The following KSR1 variants were observed in gnomAD, a reference collection of about 807,000 sequenced individuals.
KSR1 encodes kinase suppressor of ras 1, also known as kinase suppressor of ras.
In KSR1, 35 loss-of-function variants were observed where a neutral mutation model predicts 92.9. The ratio of observed to expected loss-of-function variants is 0.38; its 90% CI spans 0.29 to 0.50. The LOEUF (loss-of-function observed/expected upper bound fraction) is 0.50. Among genes scored for constraint, KSR1 ranks in the 20% least tolerant of loss-of-function variants. The probability of loss-of-function intolerance (pLI) is 0.94; values close to 1 mark genes in which losing one functional copy is unlikely to be tolerated. For missense variants in KSR1, 972 were observed against 1,158.5 expected (o/e 0.84, Z 2.34); for synonymous variants, 467 against 472.6 (o/e 0.99, Z 0.15).
At chr17:27,561,477 TA>T (rs1185053531) in intron 2 of KSR1, among the ~76,000 whole-genome samples, 1 of 152,318 alleles carries the variant, frequency 6.6e-6, no homozygotes, top group East Asian at 1.9e-4. Context: ...TGCTTACAGC[TA>T]GTGTGATGCA....
intron 2 of KSR1, among the ~76,000 whole-genome samples, chr17:27,569,523 T>C (rs1420871099): frequency 6.6e-6 from 1 of 152,272 alleles, no homozygotes; most frequent in Non-Finnish European, 1.5e-5. Context: ...TGCCAAACTC[T>C]GGCCCTTGGG....
chr17:27,498,082 C>T (rs2069050949), intron 1 of KSR1, among the ~76,000 whole-genome samples: 1 of 152,158 alleles, frequency 6.6e-6, no homozygotes, highest in African/African-American at 2.4e-5. Flanking sequence ...GTAATTCCAG[C>T]ACTTTGGGAG....
At chr17:27,568,497 G>A (rs2072173575) in intron 2 of KSR1, among the ~76,000 whole-genome samples, 1 of 152,250 alleles carries the variant, frequency 6.6e-6, no homozygotes, top group African/African-American at 2.4e-5. Context: ...CTTGCCCTGT[G>A]CATGTGGAGG....
intron 2 of KSR1, chr17:27,560,389 A>C (rs1418292310): frequency 3.9e-6 from 2 of 518,738 alleles, no homozygotes; most frequent in Non-Finnish European, 7.7e-6. Flanking sequence ...CCAGGGTGAA[A>C]GCCACAGGTT....
At chr17:27,622,116 C>A in intron 20 of KSR1, 2 of 637,298 alleles carry the variant, frequency 3.1e-6, no homozygotes, top group Non-Finnish European at 2.8e-6. Flanking sequence ...GGCCCTCTGC[C>A]CTCTCCACGT....
At chr17:27,568,115 C>T (rs1225082877) in intron 2 of KSR1, among the ~76,000 whole-genome samples, 2 of 152,236 alleles carry the variant, frequency 1.3e-5, no homozygotes, top group African/African-American at 2.4e-5. Context: ...TTCAAGGTTT[C>T]TGGAAAACCA....
rs746718648 is a variant in KSR1, at chr17:27,588,546, C to A, written c.1046+11C>A. 6.3e-7 allele frequency: 1 copy of A among 1,584,884 alleles called. No homozygotes were observed. The highest frequency in any genetic ancestry group is 1.8e-5 in the Admixed American group (1 of 56,478). On this transcript the variant is annotated intron_variant, in intron 6 of 20. Transcript: ENST00000644974. ...GTCGGTGACGCACAGGTAGGCACAG[C>A]GGGCCTGGAGGGGGAGCAGGGCACA...
chr17:27,582,931 T>C lies in KSR1; in HGVS notation c.806T>C (p.Ile269Thr). 6.2e-7 allele frequency: 1 copy of C among 1,611,474 alleles called. No homozygotes were observed. Among genetic ancestry groups the C allele is most frequent in the East Asian group, 2.2e-5 (1 of 44,798 alleles). Residue 269 changes from isoleucine to threonine, a missense_variant, in exon 4 of 21, where the codon ATC (isoleucine) becomes ACC (threonine). By Grantham distance (89) the Ile-to-Thr change is moderately conservative. This residue lies in a region of KSR1 where 611 missense variants were observed against 668.0 expected (regional missense o/e 0.91). Coordinates refer to ENST00000644974, the MANE Select transcript of KSR1 (RefSeq NM_001394583.1). Reference sequence around the variant, plus strand: ...ACCCCCCGTGCCCTGCACAGCTTCATCACCCCGCCCACCACACCCCAGCTG... The same window carrying C: ...ACCCCCCGTGCCCTGCACAGCTTCACCACCCCGCCCACCACACCCCAGCTG... Reference protein sequence around the residue: ...RLTPRALHSFITPPTTPQLRR... With the variant: ...RLTPRALHSFTTPPTTPQLRR...
At chr17:27,488,687 C>G (rs1315092414) in intron 1 of KSR1, among the ~76,000 whole-genome samples, 1 of 152,136 alleles carries the variant, frequency 6.6e-6, no homozygotes, top group East Asian at 1.9e-4. Flanking sequence ...AATATTAGGC[C>G]AGGCGCAGTG....
At chr17:27,464,748 C>G (rs546151361) in intron 1 of KSR1, among the ~76,000 whole-genome samples, 1 of 150,578 alleles carries the variant, frequency 6.6e-6, no homozygotes, top group African/African-American at 2.4e-5. Context: ...GCAGATTTTG[C>G]ATTCTGTGCC....
chr17:27,623,511 C>T lies in KSR1; in HGVS notation c.*119C>T, dbSNP rs761257179. The T allele has an allele frequency of 1.0e-5, 7 of 691,024 alleles. No individual in the cohort carries two copies. The highest frequency in any genetic ancestry group is 8.1e-5 in the East Asian group (3 of 37,256). The allele number at this position is 691,024 out of a possible 1,614,324, so 42.8% of individuals were successfully genotyped here. A position where few individuals can be genotyped will look rare whatever the true frequency, so the allele number is the denominator to read the frequency against. On this transcript the variant is annotated 3_prime_UTR_variant, in exon 21 of 21. Coordinates refer to ENST00000644974, the MANE Select transcript of KSR1 (RefSeq NM_001394583.1). ...CCCAGCGCTGCAAACCAGGAGCACA[C>T]GTCCTAGATTCAGACTGTTGGCCAT...
chr17:27,517,067 G>A lies in KSR1; in HGVS notation c.232-33501G>A, dbSNP rs943374981. On this transcript the variant is annotated intron_variant, in intron 1 of 20. Transcript: ENST00000644974. ...TATTTTGAAATGGCCCTGCAAAGCT[G>A]TCTCTTGTGGGAGAAATTTACATTC... Among the ~76,000 whole-genome samples, 6 of 152,230 alleles carry A rather than the reference G, an allele frequency of 3.9e-5. 2 individuals carry two copies. The South Asian group carries it at 6.2e-4, about 16-fold the overall frequency.
intron 2 of KSR1, among the ~76,000 whole-genome samples, chr17:27,569,039 T>C (rs9903687): frequency 0.013 from 1,987 of 152,360 alleles, 38 homozygotes; most frequent in African/African-American, 0.044. Context: ...CACTTTTCCT[T>C]TTGAATGTTC....
At chr17:27,540,634 G>C (rs2070928846) in intron 1 of KSR1, among the ~76,000 whole-genome samples, 1 of 152,222 alleles carries the variant, frequency 6.6e-6, no homozygotes, top group Non-Finnish European at 1.5e-5. Context: ...CTCAAGGATT[G>C]AGGTCACTTG....
intron 4 of KSR1, among the ~76,000 whole-genome samples, chr17:27,584,146 C>A (rs1187714304): frequency 2.0e-5 from 3 of 152,136 alleles, no homozygotes; most frequent in African/African-American, 7.2e-5. Context: ...CCTTCTTGTA[C>A]CCCTGAGGAT....
intron 1 of KSR1, among the ~76,000 whole-genome samples, chr17:27,529,978 C>T (rs372473991): frequency 2.0e-5 from 3 of 152,228 alleles, no homozygotes; most frequent in South Asian, 4.1e-4. Flanking sequence ...GGCCTTGGCA[C>T]CATACTGGGT....
intron 1 of KSR1, among the ~76,000 whole-genome samples, chr17:27,481,907 G>A (rs2068523342): frequency 6.6e-6 from 1 of 152,158 alleles, no homozygotes; most frequent in Non-Finnish European, 1.5e-5. Context: ...CTTGGGCTTT[G>A]GAGACGATTT....
intron 2 of KSR1, among the ~76,000 whole-genome samples, chr17:27,570,418 G>A (rs1282463806): frequency 6.6e-6 from 1 of 152,174 alleles, no homozygotes. Context: ...TGCCTGGCAC[G>A]CAGGACATGT....
At position 27,502,680 on chromosome 17, in the gene KSR1, G is replaced by A. The variant is rs147679461; in HGVS notation, c.231+45806G>A. ...TTTCTGTGCTTGCTCACACTTGAGC[G>A]TCAGCACATTCCAGAACCTACCTCA... On this transcript the variant is annotated intron_variant, in intron 1 of 20. Transcript: ENST00000644974. Among the ~76,000 whole-genome samples the A allele has an allele frequency of 1.8e-4, 28 of 152,306 alleles. No individual in the cohort carries two copies. The East Asian group carries it at 2.5e-3, about 14-fold the overall frequency.
Sources: gnomAD v4.1 joint callset for allele counts (sites outside exome capture counted in the v4.1 genomes callset) on GRCh38, gnomAD v4.1.1 for gene constraint, gnomAD v4.1.1 regional missense constraint, MANE v1.5 for transcripts, NCBI Gene and HGNC (gene_info 2026-07-23, HGNC 2026-07-21) for gene names.